The following PTPRD variants were observed in gnomAD, a reference collection of about 807,000 sequenced individuals.
The protein encoded by PTPRD is protein tyrosine phosphatase receptor type D.
Under a neutral mutation model 214.5 loss-of-function variants are expected in PTPRD, and 34 were observed. The observed-to-expected ratio is 0.16, with a 90% CI of 0.12 to 0.21. PTPRD has a LOEUF of 0.21. PTPRD is among the 10% of genes least tolerant of loss of function. PTPRD has a pLI of 1.00. For missense variants in PTPRD, 2,545 were observed against 2,398.7 expected, an observed-to-expected ratio of 1.06 and a Z score of -1.27; for synonymous variants, 1,128 against 845.7, an observed-to-expected ratio of 1.33 and a Z score of -5.79.
intron 4 of PTPRD, among the ~76,000 whole-genome samples, chr9:9,994,905 G>A (rs1398946946): frequency 4.6e-5 from 7 of 151,980 alleles, no homozygotes; most frequent in Admixed American, 2.0e-4. Context: ...ATTGGATACT[G>A]CATCCATGTT....
intron 21 of PTPRD, among the ~76,000 whole-genome samples, chr9:8,512,163 T>C (rs2097695966): frequency 6.6e-6 from 1 of 152,074 alleles, no homozygotes; most frequent in Non-Finnish European, 1.5e-5. Context: ...TGTGTGTATC[T>C]AGCATATTGA....
chr9:10,169,853 G>C (rs2099189464), intron 3 of PTPRD, among the ~76,000 whole-genome samples: 1 of 152,158 alleles, frequency 6.6e-6, no homozygotes, highest in African/African-American at 2.4e-5. Context: ...TAAAATCCAT[G>C]CTAGTATGCT....
intron 4 of PTPRD, among the ~76,000 whole-genome samples, chr9:9,946,308 G>A (rs569102565): frequency 6.6e-6 from 1 of 152,274 alleles, no homozygotes; most frequent in South Asian, 2.1e-4. Flanking sequence ...GTAAAAATGT[G>A]TGGACAATTA....
In PTPRD at chr9:9,658,676, A is replaced by T. The variant is rs562243003; in HGVS notation, c.-287+75857T>A. Among the ~76,000 whole-genome samples the T allele has an allele frequency of 4.3e-4, 65 of 152,256 alleles. 1 individual carries two copies. The South Asian group carries it at 0.013, about 32-fold the overall frequency. ...TCACTTCTTTCTGAAAAATGCCACC[A>T]TTCAAGAGTCATTAAGTAGCTTAAG... is the stretch of plus-strand genomic sequence containing the variant. On this transcript the variant is annotated intron_variant, in intron 7 of 45. Transcript: ENST00000381196.
chr9:10,386,386 A>G (rs1001523783), intron 2 of PTPRD, among the ~76,000 whole-genome samples: 4 of 151,776 alleles, frequency 2.6e-5, no homozygotes, highest in Non-Finnish European at 5.9e-5. Flanking sequence ...CTTTTCCTAT[A>G]TTTATCTCTT....
chr9:10,259,989 T>C (rs1207547943), intron 3 of PTPRD, among the ~76,000 whole-genome samples: 1 of 152,212 alleles, frequency 6.6e-6, no homozygotes, highest in East Asian at 1.9e-4. Flanking sequence ...TCTCAGGTTC[T>C]GAGACAGTCC....
intron 5 of PTPRD, among the ~76,000 whole-genome samples, chr9:9,899,360 AAAT>A (rs1307494820): frequency 1.3e-5 from 2 of 152,104 alleles, no homozygotes; most frequent in Admixed American, 1.3e-4. Context: ...CTCAATAGCA[AAAT>A]AATAATAATT....
In PTPRD at chr9:9,824,104, C is replaced by A. The variant is rs533712106; in HGVS notation, c.-367-57253G>T. Among the ~76,000 whole-genome samples, 8 of 151,860 alleles carry A rather than the reference C, an allele frequency of 5.3e-5. No homozygotes were observed. The East Asian group carries it at 1.5e-3, about 29-fold the overall frequency. On this transcript the variant is annotated intron_variant, in intron 5 of 45. Transcript: ENST00000381196. ...ATAAAATTATCTTCAGTCTATAAAG[C>A]ATATAAGAATGATAAATGAATTTTT... is the stretch of plus-strand genomic sequence containing the variant.
intron 11 of PTPRD, among the ~76,000 whole-genome samples, chr9:9,011,021 A>T (rs1295538421): frequency 6.6e-6 from 1 of 152,200 alleles, no homozygotes; most frequent in Non-Finnish European, 1.5e-5. Context: ...ATTCATATGT[A>T]GCATGCTCAT....
At chr9:8,618,715 T>C (rs1222373014) in intron 14 of PTPRD, among the ~76,000 whole-genome samples, 3 of 151,828 alleles carry the variant, frequency 2.0e-5, no homozygotes, top group Non-Finnish European at 4.4e-5. Context: ...TTCTTGTTTT[T>C]AGACAGAGTA....
intron 11 of PTPRD, among the ~76,000 whole-genome samples, chr9:8,899,869 T>G (rs554724964): frequency 1.1e-4 from 16 of 152,302 alleles, no homozygotes; most frequent in Admixed American, 9.8e-4. Flanking sequence ...ATCTAGACAT[T>G]CAAAGAGCAA....
At chr9:8,768,162 A>T (rs2094907426) in intron 11 of PTPRD, among the ~76,000 whole-genome samples, 1 of 152,242 alleles carries the variant, frequency 6.6e-6, no homozygotes, top group Non-Finnish European at 1.5e-5. Context: ...TGAGATGCCA[A>T]GGCAGGAGGC....
intron 2 of PTPRD, among the ~76,000 whole-genome samples, chr9:10,477,372 G>A (rs568351639): frequency 1.1e-4 from 16 of 151,944 alleles, no homozygotes; most frequent in Non-Finnish European, 1.6e-4. Flanking sequence ...CAACAAACGC[G>A]TGAAAAAAAG....
At chr9:9,093,824 G>A (rs569595913) in intron 10 of PTPRD, among the ~76,000 whole-genome samples, 18 of 150,838 alleles carry the variant, frequency 1.2e-4, no homozygotes, top group South Asian at 4.2e-4. Context: ...AATAAAGAGC[G>A]GACATAAATA....
chr9:9,737,739 C>T (rs1312831263), intron 6 of PTPRD, among the ~76,000 whole-genome samples: 6 of 152,106 alleles, frequency 3.9e-5, no homozygotes, highest in Admixed American at 6.5e-5. Context: ...ATTCACTAGC[C>T]GAAGGACATT....
intron 5 of PTPRD, among the ~76,000 whole-genome samples, chr9:9,843,338 G>A (rs1264110426): frequency 6.6e-6 from 1 of 151,944 alleles, no homozygotes; most frequent in Non-Finnish European, 1.5e-5. Flanking sequence ...AAAAAAAGGT[G>A]CAAATGTATC....
chr9:8,757,000 G>T (rs1183819154), intron 11 of PTPRD, among the ~76,000 whole-genome samples: 1 of 151,982 alleles, frequency 6.6e-6, no homozygotes, highest in Admixed American at 6.6e-5. Context: ...AAATTAGCGG[G>T]GTATGGTGAT....
At chr9:8,646,649 C>A (rs561617191) in intron 12 of PTPRD, among the ~76,000 whole-genome samples, 75 of 152,288 alleles carry the variant, frequency 4.9e-4, no homozygotes, top group Non-Finnish European at 8.4e-4. Flanking sequence ...ATGAAATGTA[C>A]CATCCTTTCG....
intron 9 of PTPRD, among the ~76,000 whole-genome samples, chr9:9,365,757 C>A (rs764473468): frequency 1.2e-4 from 18 of 151,338 alleles, no homozygotes; most frequent in South Asian, 2.1e-4. Context: ...ACAGCATAAC[C>A]CAGTCTCTCT....
Sources: gnomAD v4.1 joint callset for allele counts (sites outside exome capture counted in the v4.1 genomes callset) on GRCh38, gnomAD v4.1.1 for gene constraint, MANE v1.5 for transcripts, NCBI Gene and HGNC (gene_info 2026-07-23, HGNC 2026-07-21) for gene names.